Variants in SYNE2 observed in about 807,000 individuals in gnomAD.
The protein encoded by SYNE2 is nesprin-2.
In SYNE2, 431 loss-of-function variants were observed where a neutral mutation model predicts 856.3. The ratio of observed to expected loss-of-function variants is 0.50; its 90% confidence interval spans 0.47 to 0.55. SYNE2 has a LOEUF of 0.55. SYNE2 is among the 20% of genes least tolerant of loss of function. The pLI, the probability that SYNE2 is intolerant of heterozygous loss-of-function variation, is 0.00. For synonymous variants in SYNE2, 2,923 were observed against 2,872.3 expected, an observed-to-expected ratio of 1.02 and a Z score of -0.56; for missense variants, 8,129 against 8,023.2, an observed-to-expected ratio of 1.01 and a Z score of -0.50.
At chr14:63,845,013 T>G (rs1265334495) in intron 1 of SYNE2, among the ~76,000 whole-genome samples, 3 of 152,246 alleles carry the variant, frequency 2.0e-5, no homozygotes, top group African/African-American at 7.2e-5. Flanking sequence ...CTTTTTTGTG[T>G]GGATAGTTAT....
intron 1 of SYNE2, among the ~76,000 whole-genome samples, chr14:63,869,774 A>G (rs1294710766): frequency 6.6e-6 from 1 of 152,084 alleles, no homozygotes; most frequent in Non-Finnish European, 1.5e-5. Flanking sequence ...TGCCGGATAG[A>G]TCTCGCACTA....
Position 63,909,119 on chromosome 14 carries a change from G to T in SYNE2, c.-30G>T, listed in dbSNP as rs775084190. ...TCAGTTCACTTCTTCAACTGAGATGGACATGATATAATCTCCATTGAGTCA... is the reference window on the plus strand; with the variant it reads ...TCAGTTCACTTCTTCAACTGAGATGTACATGATATAATCTCCATTGAGTCA... On this transcript the variant is annotated 5_prime_UTR_variant, in exon 2 of 116. Transcript: ENST00000555002. 6.8e-7 allele frequency: 1 copy of T among 1,468,988 alleles called. No homozygotes were observed. The highest frequency in any genetic ancestry group is 2.3e-5 in the East Asian group (1 of 44,172). 91.0% of individuals were successfully genotyped at this position (1,468,988 alleles called of 1,614,324 possible).
intron 1 of SYNE2, among the ~76,000 whole-genome samples, chr14:63,789,654 T>C (rs1887660437): frequency 6.6e-6 from 1 of 152,024 alleles, no homozygotes. Context: ...TTGGTGGCAC[T>C]GTAATCCCAG....
At position 64,090,884 on chromosome 14, in the gene SYNE2, C is replaced by T. The variant is rs763921629; in HGVS notation, c.11812C>T (p.Arg3938Cys). 1.1e-5 allele frequency: 18 copies of T among 1,613,828 alleles called. No homozygotes were observed. The highest frequency in any genetic ancestry group is 8.8e-5 in the South Asian group (8 of 91,070). ...AATTAAGGTCATACTTGAAAATATACGTCCCATGAAGAAAACCATTGCTGA... is the reference window on the plus strand; with the variant it reads ...AATTAAGGTCATACTTGAAAATATATGTCCCATGAAGAAAACCATTGCTGA... The part of the protein sequence containing the change: ...KHGEVILENI[R>C]PMKKTIAEIV... Residue 3938 changes from arginine (R) to cysteine (C), a missense_variant, in exon 60 of 116, where the codon CGT (arginine) becomes TGT (cysteine). Around this residue, in one of 3 missense-constraint regions of SYNE2, gnomAD observed 5,410 missense variants for 5,284.8 expected, o/e 1.02. Coordinates refer to ENST00000555002, the MANE Select transcript of SYNE2 (RefSeq NM_182914.3).
intron 1 of SYNE2, among the ~76,000 whole-genome samples, chr14:63,803,542 T>G (rs895898028): frequency 1.1e-4 from 16 of 152,202 alleles, no homozygotes; most frequent in Non-Finnish European, 1.9e-4. Context: ...GCAGCAGGGC[T>G]GGCCGGCTGC....
chr14:64,057,543 C>T (rs1379899137), intron 49 of SYNE2, among the ~76,000 whole-genome samples: 3 of 152,138 alleles, frequency 2.0e-5, no homozygotes, highest in African/African-American at 7.2e-5. Context: ...ACTTGGCTTG[C>T]TTCCAAATCT....
chr14:63,850,048 G>GATGGGGC (rs1394286826), upstream of SYNE2, among the ~76,000 whole-genome samples: 6 of 150,628 alleles, frequency 4.0e-5, no homozygotes, highest in Middle Eastern at 3.5e-3. Context: ...ACAGAGGATT[G>GATGGGGC]ATGGGGCATG....
chr14:64,124,504 A>G (rs897406092), intron 70 of SYNE2, among the ~76,000 whole-genome samples: 2 of 151,766 alleles, frequency 1.3e-5, no homozygotes, highest in Non-Finnish European at 2.9e-5. Context: ...GATTATAGGC[A>G]TAAGCCACTA....
chr14:64,175,427 T>C (rs1005980738), intron 95 of SYNE2, among the ~76,000 whole-genome samples: 3 of 152,210 alleles, frequency 2.0e-5, no homozygotes, highest in African/African-American at 2.4e-5. Context: ...GTTCCATGTA[T>C]GGAACAGACA....
In SYNE2 at chr14:64,002,856, T is replaced by A. The variant is rs1475877221; in HGVS notation, c.3923T>A (p.Phe1308Tyr). The part of the protein sequence containing the change: ...QNIILKYKTQ[F>Y]EGMNHRVQRS... ...ATTATACTGAAATACAAAACACAAT[T>A]TGAAGGAATGAACCACAGGGTGCAG... The change falls in exon 30 of 116, where the codon TTT becomes TAT. Residue 1308 changes from phenylalanine to tyrosine, a missense_variant. This residue lies in a region of SYNE2 where 2,422 missense variants were observed against 2,357.4 expected (regional missense o/e 1.03). Coordinates refer to ENST00000555002, the MANE Select transcript of SYNE2 (RefSeq NM_182914.3). 1 of 1,614,032 alleles carries A rather than the reference T, an allele frequency of 6.2e-7. No individual in the cohort carries two copies. The highest frequency in any genetic ancestry group is 8.5e-7 in the Non-Finnish European group (1 of 1,180,034).
At chr14:64,172,637 A>AG (rs1367461908) in intron 94 of SYNE2, among the ~76,000 whole-genome samples, 1 of 152,172 alleles carries the variant, frequency 6.6e-6, no homozygotes, top group Non-Finnish European at 1.5e-5. Flanking sequence ...GTTTGAGAGG[A>AG]GGGGACAGAG....
In SYNE2 at chr14:64,143,836, A is replaced by G. The variant is rs1398171592; in HGVS notation, c.15371A>G (p.Gln5124Arg). The change falls in exon 83 of 116, where the codon CAG becomes CGG. Residue 5124 changes from glutamine (Q) to arginine (R), a missense_variant. Physicochemically the swap from Gln to Arg is conservative, Grantham distance 43. Around this residue, in one of 3 missense-constraint regions of SYNE2, gnomAD observed 5,410 missense variants for 5,284.8 expected, o/e 1.02. Transcript: ENST00000555002. ...GACTTCGTTAACCAGTCATTACTTC[A>G]GCTAAGCACCTGTGATGTAGAAAGC... ...IVDFVNQSLL[Q>R]LSTCDVESKR... is the part of the protein sequence containing the mutation. The G allele has an allele frequency of 6.2e-7, 1 of 1,614,238 alleles. No homozygotes were observed. The highest frequency in any genetic ancestry group is 1.1e-5 in the South Asian group (1 of 91,092).
chr14:64,159,108 G>T (rs2098308981), intron 86 of SYNE2, among the ~76,000 whole-genome samples: 1 of 151,212 alleles, frequency 6.6e-6, no homozygotes, highest in Admixed American at 6.6e-5. Flanking sequence ...TAAGTGCTAA[G>T]TACTTTATAT....
At position 63,856,409 on chromosome 14, in the gene SYNE2, C is replaced by T. The variant is rs182913760; in HGVS notation, c.-52+3266C>T. Among the ~76,000 whole-genome samples, 482 of 152,220 alleles carry T rather than the reference C, an allele frequency of 3.2e-3. 1 individual carries two copies. Among genetic ancestry groups the T allele is most frequent in the African/African-American group, 0.011 (461 of 41,540 alleles). ...ACTATGTCAAAATCAAAAGACAGTC[C>T]CTGTCCTGGTGAAGCTGTTAGTCTA... On this transcript the variant is annotated intron_variant, in intron 1 of 115. Coordinates refer to ENST00000555002, the MANE Select transcript of SYNE2 (RefSeq NM_182914.3).
intron 1 of SYNE2, among the ~76,000 whole-genome samples, chr14:63,854,441 CT>C (rs2140022595): frequency 6.6e-6 from 1 of 152,288 alleles, no homozygotes; most frequent in African/African-American, 2.4e-5. Context: ...ATGACTCCTT[CT>C]CCAAGTTGTC....
intron 2 of SYNE2, among the ~76,000 whole-genome samples, chr14:63,939,479 C>G (rs144056025): frequency 6.6e-6 from 1 of 151,918 alleles, no homozygotes; most frequent in Non-Finnish European, 1.5e-5. Flanking sequence ...TCCCAAGTAG[C>G]TGGGACTACA....
chr14:64,017,292 G>GCAC (rs1377130911), intron 33 of SYNE2, among the ~76,000 whole-genome samples: 1 of 122,946 alleles, frequency 8.1e-6, no homozygotes, highest in African/African-American at 3.2e-5. Flanking sequence ...TCGCACCACT[G>GCAC]CACTCCAGCC....
Position 64,021,521 on chromosome 14 carries a change from A to C in SYNE2, c.5352+6A>C, listed in dbSNP as rs572125775. 6.2e-7 allele frequency: 1 copy of C among 1,613,988 alleles called. No individual in the cohort carries two copies. The stretch of plus-strand genomic sequence containing the variant: ...AGATCTTCACTAAACTAGAGGTGCT[A>C]CCGAGCTGCTTGTCTTCTGTGGTTC... On this transcript the variant is annotated splice_donor_region_variant and intron_variant, in intron 36 of 115. Coordinates refer to ENST00000555002, the MANE Select transcript of SYNE2 (RefSeq NM_182914.3).
intron 96 of SYNE2, among the ~76,000 whole-genome samples, chr14:64,179,010 G>T (rs969943820): frequency 6.6e-6 from 1 of 152,096 alleles, no homozygotes; most frequent in African/African-American, 2.4e-5. Flanking sequence ...CCAGTAGGTC[G>T]AGGATACAGT....
Sources: gnomAD v4.1 joint callset for allele counts (sites outside exome capture counted in the v4.1 genomes callset) on GRCh38, gnomAD v4.1.1 for gene constraint, gnomAD v4.1.1 regional missense constraint, MANE v1.5 for transcripts, NCBI Gene and HGNC (gene_info 2026-07-23, HGNC 2026-07-21) for gene names.